Variants in HEATR5A observed in about 807,000 individuals in gnomAD.
HEATR5A encodes the protein HEAT repeat containing 5A, also known as HEAT repeat-containing protein 5A.
Under a neutral mutation model 218.8 loss-of-function variants are expected in HEATR5A, and 178 were observed. That is an observed-to-expected ratio of 0.81 (90% CI 0.72 to 0.92). The LOEUF (loss-of-function observed/expected upper bound fraction) is 0.92, where lower values mean the gene tolerates loss of function less well. Among genes scored for constraint, HEATR5A ranks in the 40% least tolerant of loss-of-function variants. The pLI is 0.00. For synonymous variants in HEATR5A, 864 were observed against 871.6 expected (o/e 0.99, Z 0.15); for missense variants, 2,420 against 2,418.9 (o/e 1.00, Z -0.01).
At chr14:31,315,484 T>C (rs560440918) in intron 27 of HEATR5A, among the ~76,000 whole-genome samples, 1 of 152,288 alleles carries the variant, frequency 6.6e-6, no homozygotes, top group South Asian at 2.1e-4. Flanking sequence ...GACCCAAATT[T>C]CCAATAATTC....
intron 27 of HEATR5A, among the ~76,000 whole-genome samples, chr14:31,314,477 G>C (rs529095604): frequency 6.6e-6 from 1 of 151,842 alleles, no homozygotes; most frequent in Admixed American, 6.6e-5. Flanking sequence ...GGCTGGTCTC[G>C]AACTCCTGAA....
chr14:31,411,193 T>C (rs2031259539), intron 1 of HEATR5A, among the ~76,000 whole-genome samples: 2 of 152,108 alleles, frequency 1.3e-5, no homozygotes, highest in East Asian at 3.9e-4. Context: ...CAAAACCATT[T>C]GACAAAAACA....
In HEATR5A at chr14:31,337,481, G is replaced by A; in HGVS notation, c.3362C>T (p.Thr1121Ile). Reference protein sequence around the residue: ...MLAKDSREELTPDANIREVGL... With the variant: ...MLAKDSREELIPDANIREVGL... Reference sequence around the variant, plus strand: ...ATCTTGATCAAGAGAATTACCTGGAGTCAACTCTTCTCTGCTATCCTTAGC... The same window carrying A: ...ATCTTGATCAAGAGAATTACCTGGAATCAACTCTTCTCTGCTATCCTTAGC... Residue 1121 changes from threonine to isoleucine, a missense_variant, in exon 22 of 36, where the codon ACT becomes ATT. By Grantham distance (89) the Thr-to-Ile change is moderately conservative (BLOSUM62 -1). Coordinates refer to ENST00000543095, the MANE Select transcript of HEATR5A (RefSeq NM_015473.4). The A allele has an allele frequency of 6.5e-7, 1 of 1,550,340 alleles. No homozygotes were observed. The highest frequency in any genetic ancestry group is 8.7e-7 in the Non-Finnish European group (1 of 1,146,140).
chr14:31,371,739 C>T, intron 13 of HEATR5A, 71 bp downstream of exon 13: 1 of 583,890 alleles, frequency 1.7e-6, no homozygotes, highest in Non-Finnish European at 2.8e-6. Context: ...CAGAAATTTG[C>T]CTTATTAATG....
In HEATR5A at chr14:31,354,264, C is replaced by T. The variant is rs118077791; in HGVS notation, c.2412-3547G>A. ...TTAGATCATATCCTACATCTGTTAT[C>T]ATGAAATTGTATCGCACTGGAAGTT... On this transcript the variant is annotated intron_variant, in intron 16 of 35. Coordinates refer to ENST00000543095, the MANE Select transcript of HEATR5A (RefSeq NM_015473.4). Among the ~76,000 whole-genome samples, 67 of 152,226 alleles carry T rather than the reference C, an allele frequency of 4.4e-4. No individual in the cohort carries two copies. The East Asian group carries it at 7.7e-3, about 18-fold the overall frequency.
intron 14 of HEATR5A, 40 bp from the exon 15 acceptor site, chr14:31,359,097 TA>T: frequency 6.4e-7 from 1 of 1,568,338 alleles, no homozygotes; most frequent in Non-Finnish European, 8.6e-7. Flanking sequence ...TACTATTAAT[TA>T]TCTGGTGAGA....
At chr14:31,379,143 C>T (rs2029882625) in intron 11 of HEATR5A, among the ~76,000 whole-genome samples, 1 of 151,256 alleles carries the variant, frequency 6.6e-6, no homozygotes, top group Non-Finnish European at 1.5e-5. Context: ...CAAGATTTCA[C>T]CGTGTTGTTG....
At chr14:31,398,073 A>G (rs1017305006) in intron 4 of HEATR5A, among the ~76,000 whole-genome samples, 4 of 152,188 alleles carry the variant, frequency 2.6e-5, no homozygotes, top group South Asian at 2.1e-4. Context: ...CTGGCAAGAG[A>G]TTATAGTATC....
At position 31,344,079 on chromosome 14, in the gene HEATR5A, C is replaced by T. The variant is rs775676624; in HGVS notation, c.3059-14G>A. 1 of 1,449,686 alleles carries T rather than the reference C, an allele frequency of 6.9e-7. No homozygotes were observed. The highest frequency in any genetic ancestry group is 9.2e-7 in the Non-Finnish European group (1 of 1,090,070). The allele number at this position is 1,449,686 out of a possible 1,614,324, so 89.8% of individuals were successfully genotyped here. ...AAGTACTGTTACCTAAAATAAAAAG[C>T]AGAAAGCTTTTAATAATTGGCCTAT... On this transcript the variant is annotated splice_polypyrimidine_tract_variant and intron_variant, in intron 20 of 35. Transcript: ENST00000543095.
intron 23 of HEATR5A, among the ~76,000 whole-genome samples, chr14:31,325,056 A>C (rs962300226): frequency 6.6e-6 from 1 of 152,228 alleles, no homozygotes; most frequent in African/African-American, 2.4e-5. Context: ...TGTGGATTTT[A>C]AAAGTTGTGT....
intron 16 of HEATR5A, among the ~76,000 whole-genome samples, chr14:31,357,893 C>T (rs1366495317): frequency 6.6e-6 from 1 of 152,140 alleles, no homozygotes; most frequent in Non-Finnish European, 1.5e-5. Context: ...AACCAGTGGG[C>T]CACGGACTGG....
rs554113002 is a variant in HEATR5A at position 31,358,838 on chromosome 14, GT to G, written c.2236-27del. 1.7e-3 allele frequency: 2,698 copies of G among 1,610,102 alleles called. 2 individuals are homozygous for G. Among genetic ancestry groups the G allele is most frequent in the Non-Finnish European group, 2.0e-3 (2,299 of 1,178,374 alleles). On this transcript the variant is annotated intron_variant, in intron 15 of 35. Coordinates refer to ENST00000543095, the MANE Select transcript of HEATR5A (RefSeq NM_015473.4). ...CTAAAAGGGAAAAAAAGTATATAAG[GT>G]TTTAAAATCACTGATCACAGATTGA...
In HEATR5A at chr14:31,398,758, G is replaced by T; in HGVS notation, c.362C>A (p.Ser121Tyr). ...TKLAAVVCLGSLYKKLGRILG... is the reference protein window; with the variant it reads ...TKLAAVVCLGYLYKKLGRILG... ...TATTCTACCCAACTTCTTGTACAAG[G>T]AACCCAAACATACCACAGCAGCACT... Residue 121 changes from serine to tyrosine, a missense_variant, in exon 4 of 36, where the codon TCC becomes TAC. Coordinates refer to ENST00000543095, the MANE Select transcript of HEATR5A (RefSeq NM_015473.4). 6.5e-7 allele frequency: 1 copy of T among 1,529,310 alleles called. No individual in the cohort carries two copies. The highest frequency in any genetic ancestry group is 8.8e-7 in the Non-Finnish European group (1 of 1,140,720). 94.7% of individuals were successfully genotyped at this position (1,529,310 alleles called of 1,614,324 possible). A position where few individuals can be genotyped will look rare whatever the true frequency, so the allele number is the denominator to read the frequency against.
rs534130020 is a variant in HEATR5A, at chr14:31,293,069, T to G, written c.*236A>C. The stretch of plus-strand genomic sequence containing the variant: ...TTCTTTAGCACTTTCTTAAAATTCC[T>G]GGCAAGTTAGCTCCATTGTCTTTTT... On this transcript the variant is annotated 3_prime_UTR_variant, in exon 36 of 36. Transcript: ENST00000543095. 1 of 413,740 alleles carries G rather than the reference T, an allele frequency of 2.4e-6. No homozygotes were observed. Among genetic ancestry groups the G allele is most frequent in the African/African-American group, 2.0e-5 (1 of 49,052 alleles). 25.6% of individuals were successfully genotyped at this position (413,740 alleles called of 1,614,324 possible). A position where few individuals can be genotyped will look rare whatever the true frequency, so the allele number is the denominator to read the frequency against.
chr14:31,362,053 C>T (rs1901636143), intron 14 of HEATR5A, among the ~76,000 whole-genome samples: 2 of 152,048 alleles, frequency 1.3e-5, no homozygotes, highest in African/African-American at 4.8e-5. Flanking sequence ...CAACCTTTGC[C>T]TCCCAGGTTC....
In HEATR5A at chr14:31,332,547, A is replaced by T. The variant is rs572782968; in HGVS notation, c.3367+4929T>A. Among the ~76,000 whole-genome samples, 40 of 152,358 alleles carry T rather than the reference A, an allele frequency of 2.6e-4. 1 individual carries two copies. In the South Asian group the frequency reaches 8.1e-3, roughly 31 times the overall value. On this transcript the variant is annotated intron_variant, in intron 22 of 35. Coordinates refer to ENST00000543095, the MANE Select transcript of HEATR5A (RefSeq NM_015473.4). Reference sequence around the variant, plus strand: ...GGCATGTCAAAAGCCAAGACAGATTAAAAGTTAAGTGTCTCTTAGGCCAGT... The same window carrying T: ...GGCATGTCAAAAGCCAAGACAGATTTAAAGTTAAGTGTCTCTTAGGCCAGT...
intron 33 of HEATR5A, chr14:31,297,719 T>C (rs1382998862): frequency 1.3e-5 from 2 of 152,098 alleles, no homozygotes; most frequent in African/African-American, 4.8e-5. Context: ...AGCACTGTTA[T>C]AAGCACTTTA....
At chr14:31,332,191 T>A (rs1900495429) in intron 22 of HEATR5A, among the ~76,000 whole-genome samples, 1 of 152,248 alleles carries the variant, frequency 6.6e-6, no homozygotes, top group African/African-American at 2.4e-5. Context: ...TCTGTTATGA[T>A]GATCTGTGAT....
intron 10 of HEATR5A, 151 bp downstream of exon 10, chr14:31,383,370 T>C (rs2030071026): frequency 1.4e-6 from 1 of 706,096 alleles, no homozygotes; most frequent in Non-Finnish European, 2.3e-6. Context: ...TGCAGCTCTA[T>C]TTATCCTCTA....
Sources: gnomAD v4.1 joint callset for allele counts (sites outside exome capture counted in the v4.1 genomes callset) on GRCh38, gnomAD v4.1.1 for gene constraint, MANE v1.5 for transcripts, NCBI Gene and HGNC (gene_info 2026-07-23, HGNC 2026-07-21) for gene names.